MBNL1: variants seen among roughly 807,000 people sequenced by gnomAD.
MBNL1 encodes the protein muscleblind-like protein 1.
MBNL1 carries 8 observed loss-of-function variants against 42.2 expected under a neutral mutation model. The ratio of observed to expected loss-of-function variants is 0.19; its 90% CI spans 0.11 to 0.34. The LOEUF is 0.34. Among genes scored for constraint, MBNL1 ranks in the 10% least tolerant of loss-of-function variants. MBNL1 has a pLI of 1.00. For missense variants in MBNL1, 309 were observed against 495.3 expected, an observed-to-expected ratio of 0.62 and a Z score of 3.57; for synonymous variants, 169 against 173.9, an observed-to-expected ratio of 0.97 and a Z score of 0.22.
In MBNL1 at chr3:152,248,623, AATT is replaced by A. The variant is rs562609888; in HGVS notation, n.333+4192_333+4194del. On this transcript the variant is annotated intron_variant and non_coding_transcript_variant, in intron 2 of 2. Coordinates refer to the MBNL1 transcript ENST00000477171. ...TTTTTTCAAATAAAATTTTTTAAAA[AATT>A]ATTATTATACTTCAAGTTTTAGGGT... Among the ~76,000 whole-genome samples, 457 of 151,812 alleles carry A rather than the reference AATT, an allele frequency of 3.0e-3. 1 individual carries two copies. Among genetic ancestry groups the A allele is most frequent in the Non-Finnish European group, 5.0e-3 (337 of 67,826 alleles).
At chr3:152,372,133 T>TG (rs1347849911) in intron 2 of MBNL1, among the ~76,000 whole-genome samples, 3 of 152,260 alleles carry the variant, frequency 2.0e-5, no homozygotes, top group African/African-American at 7.2e-5. Context: ...GTTCTTGTGC[T>TG]GTGTTTTTCA....
chr3:152,434,266 A>C (rs1580396278), intron 4 of MBNL1, among the ~76,000 whole-genome samples: 1 of 152,136 alleles, frequency 6.6e-6, no homozygotes. Flanking sequence ...ATGAGGTCTC[A>C]TCATTTAGCC....
rs975077559 is a variant in MBNL1, at chr3:152,365,898, A to G, written c.175-49043A>G. Among the ~76,000 whole-genome samples, 6 of 152,274 alleles carry G rather than the reference A, an allele frequency of 3.9e-5. No individual in the cohort carries two copies. The East Asian group carries it at 9.6e-4, about 24-fold the overall frequency. The stretch of plus-strand genomic sequence containing the variant: ...ACACACATATATTAGTGACAGGAAG[A>G]TATTTTTGGACTTAGATATAAAGAA... On this transcript the variant is annotated intron_variant, in intron 2 of 9. Transcript: ENST00000324210.
At chr3:152,276,111 A>G (rs955144623) in intron 1 of MBNL1, among the ~76,000 whole-genome samples, 9 of 152,004 alleles carry the variant, frequency 5.9e-5, no homozygotes, top group Admixed American at 2.0e-4. Flanking sequence ...GACTAGAACA[A>G]TTTTTTCATT....
At chr3:152,248,276 A>T (rs192564311) in intron 2 of MBNL1, among the ~76,000 whole-genome samples, 53 of 152,208 alleles carry the variant, frequency 3.5e-4, no homozygotes, top group Non-Finnish European at 5.9e-4. Context: ...TCTGAATAAA[A>T]TACAATCATA....
chr3:152,253,465 C>A (rs1050570054), intron 2 of MBNL1, among the ~76,000 whole-genome samples: 1 of 152,132 alleles, frequency 6.6e-6, no homozygotes, highest in Non-Finnish European at 1.5e-5. Context: ...AAGAAACCCT[C>A]TTTTTCTATT....
chr3:152,312,167 G>A (rs2067025246), intron 2 of MBNL1, among the ~76,000 whole-genome samples: 1 of 148,238 alleles, frequency 6.7e-6, no homozygotes, highest in Admixed American at 6.7e-5. Context: ...ACTCCAGCCT[G>A]GGCGACAGAG....
chr3:152,447,526 C>T (rs1383874341), intron 5 of MBNL1, 94 bp from the exon 6 acceptor site: 6 of 872,302 alleles, frequency 6.9e-6, no homozygotes, highest in African/African-American at 3.5e-5. Flanking sequence ...CTTGCTTGCT[C>T]ATGCTTCCTA....
intron 8 of MBNL1, chr3:152,459,025 T>G (rs561380394): frequency 1.6e-5 from 5 of 316,074 alleles, no homozygotes; most frequent in Non-Finnish European, 2.9e-5. Flanking sequence ...GAATTTTTGA[T>G]AGTTTTACTT....
At chr3:152,246,332 A>G (rs1161922627) in intron 2 of MBNL1, among the ~76,000 whole-genome samples, 1 of 152,252 alleles carries the variant, frequency 6.6e-6, no homozygotes, top group East Asian at 1.9e-4. Context: ...AGAAGATACT[A>G]TCTTTCTGGC....
At chr3:152,338,490 G>A (rs533221228) in intron 2 of MBNL1, 27 of 985,222 alleles carry the variant, frequency 2.7e-5, no homozygotes, top group Non-Finnish European at 3.3e-5. Context: ...CCCAAGCTTT[G>A]GCTGTGGCTC....
At chr3:152,366,224 A>G (rs763942496) in intron 2 of MBNL1, among the ~76,000 whole-genome samples, 13 of 152,178 alleles carry the variant, frequency 8.5e-5, no homozygotes, top group Non-Finnish European at 1.8e-4. Flanking sequence ...AACATTGAGT[A>G]ACAGGTTTCT....
chr3:152,423,326 C>T (rs764320320), intron 3 of MBNL1, among the ~76,000 whole-genome samples: 24 of 152,054 alleles, frequency 1.6e-4, no homozygotes, highest in Non-Finnish European at 2.9e-4. Flanking sequence ...AAGTAGAAAA[C>T]CTAAAAGAAA....
intron 2 of MBNL1, among the ~76,000 whole-genome samples, chr3:152,362,998 A>G (rs1188335734): frequency 6.6e-6 from 1 of 152,152 alleles, no homozygotes; most frequent in Non-Finnish European, 1.5e-5. Context: ...ATGTTTTTAA[A>G]ATTAAGATAG....
chr3:152,319,659 C>CA (rs1323169039), intron 2 of MBNL1, among the ~76,000 whole-genome samples: 8 of 120,328 alleles, frequency 6.6e-5, no homozygotes, highest in African/African-American at 2.6e-4. Flanking sequence ...ACAGACTCTC[C>CA]AAAAAAATGC....
At chr3:152,308,706 C>T (rs2064631960) in intron 2 of MBNL1, among the ~76,000 whole-genome samples, 1 of 152,128 alleles carries the variant, frequency 6.6e-6, no homozygotes, top group Non-Finnish European at 1.5e-5. Context: ...CCCATTCTTC[C>T]CCCTCTCTGA....
At chr3:152,422,281 A>AAG (rs1553919795) in intron 3 of MBNL1, among the ~76,000 whole-genome samples, 58 of 151,784 alleles carry the variant, frequency 3.8e-4, no homozygotes, top group African/African-American at 1.3e-3. Flanking sequence ...AAAAAAAAAA[A>AAG]AAAAGCAGGA....
intron 2 of MBNL1, among the ~76,000 whole-genome samples, chr3:152,379,171 C>A (rs2097067389): frequency 1.3e-5 from 2 of 152,122 alleles, no homozygotes; most frequent in African/African-American, 4.8e-5. Flanking sequence ...ATAAAGTCAC[C>A]ACTGACATTT....
At chr3:152,281,802 T>G (rs1039063858) in intron 1 of MBNL1, among the ~76,000 whole-genome samples, 16 of 152,012 alleles carry the variant, frequency 1.1e-4, no homozygotes, top group Non-Finnish European at 1.9e-4. Context: ...TTCAATTCAT[T>G]TTTTCATCAC....
Sources: gnomAD v4.1 joint callset for allele counts (sites outside exome capture counted in the v4.1 genomes callset) on GRCh38, gnomAD v4.1.1 for gene constraint, MANE v1.5 for transcripts, NCBI Gene and HGNC (gene_info 2026-07-23, HGNC 2026-07-21) for gene names.